The following CPM variants were observed in gnomAD, a reference collection of about 807,000 sequenced individuals.
The protein encoded by CPM is renal carboxypeptidase.
CPM carries 35 observed loss-of-function variants against 46.4 expected under a neutral mutation model. That is an observed-to-expected ratio of 0.75 (90% CI 0.58 to 1.00). The LOEUF (loss-of-function observed/expected upper bound fraction) is 1.00, where lower values mean the gene tolerates loss of function less well. Among genes scored for constraint, CPM ranks in the 50% least tolerant of loss-of-function variants. The probability of loss-of-function intolerance (pLI) is 0.00; values close to 1 mark genes in which losing one functional copy is unlikely to be tolerated. For missense variants in CPM, 422 were observed against 530.4 expected (o/e 0.80, Z 2.01); for synonymous variants, 195 against 195.3 (o/e 1.00, Z 0.01).
At chr12:68,860,721 G>T (rs530108322) in intron 7 of CPM, among the ~76,000 whole-genome samples, 1 of 152,208 alleles carries the variant, frequency 6.6e-6, no homozygotes, top group South Asian at 2.1e-4. Context: ...GTCAGGTTTT[G>T]ATTTGAATTC....
At chr12:68,892,101 G>T (rs567317825) in intron 2 of CPM, among the ~76,000 whole-genome samples, 1 of 152,322 alleles carries the variant, frequency 6.6e-6, no homozygotes, top group Non-Finnish European at 1.5e-5. Context: ...AAGAACCACT[G>T]TAACAAAGGA....
At chr12:68,871,649 G>T (rs960677331) in intron 4 of CPM, 135 bp downstream of exon 4, 3 of 949,352 alleles carry the variant, frequency 3.2e-6, no homozygotes, top group Non-Finnish European at 4.8e-6. Context: ...CTTGAGCTTT[G>T]GCACATCAGC....
intron 1 of CPM, among the ~76,000 whole-genome samples, chr12:68,959,403 T>C (rs908355589): frequency 4.6e-5 from 7 of 151,334 alleles, no homozygotes; most frequent in Non-Finnish European, 1.0e-4. Context: ...TAAAATATCA[T>C]TGTTATTGTA....
intron 3 of CPM, among the ~76,000 whole-genome samples, chr12:68,882,636 C>T (rs1303759444): frequency 5.9e-5 from 9 of 152,206 alleles, no homozygotes; most frequent in Non-Finnish European, 8.8e-5. Flanking sequence ...GAAATCACCA[C>T]ACTGCTTTCC....
intron 1 of CPM, among the ~76,000 whole-genome samples, chr12:68,955,675 C>A (rs745393818): frequency 6.6e-6 from 1 of 152,076 alleles, no homozygotes; most frequent in Admixed American, 6.6e-5. Flanking sequence ...TGAGGAGGCC[C>A]AAAGTGGGTA....
intron 1 of CPM, among the ~76,000 whole-genome samples, chr12:68,939,045 T>C (rs1033862175): frequency 1.4e-4 from 21 of 147,296 alleles, no homozygotes; most frequent in Non-Finnish European, 3.0e-5. Context: ...CATCTATAAG[T>C]ATATACATAG....
chr12:68,913,941 A>G, intron 2 of CPM: 1 of 719,218 alleles, frequency 1.4e-6, no homozygotes, highest in Non-Finnish European at 2.6e-6. Flanking sequence ...CCTGTGCTAC[A>G]GATACACAGA....
intron 2 of CPM, among the ~76,000 whole-genome samples, chr12:68,895,116 T>C (rs115854956): frequency 3.3e-5 from 5 of 151,774 alleles, no homozygotes; most frequent in Admixed American, 3.3e-4. Context: ...TCCCCTGCTG[T>C]GTCTACCAGG....
At chr12:68,873,012 T>TAAATG (rs1202679209) in intron 3 of CPM, among the ~76,000 whole-genome samples, 1 of 152,192 alleles carries the variant, frequency 6.6e-6, no homozygotes, top group Non-Finnish European at 1.5e-5. Context: ...AAAAGTAATT[T>TAAATG]AAATGTCAGC....
At chr12:68,890,490 T>TCAACTTA (rs1301622224) in intron 2 of CPM, among the ~76,000 whole-genome samples, 1 of 152,194 alleles carries the variant, frequency 6.6e-6, no homozygotes, top group African/African-American at 2.4e-5. Flanking sequence ...CCACAATGCA[T>TCAACTTA]AGTTGAGGAA....
At chr12:68,897,760 C>T in intron 2 of CPM, among the ~76,000 whole-genome samples, 1 of 145,678 alleles carries the variant, frequency 6.9e-6, no homozygotes, top group Non-Finnish European at 1.5e-5. Context: ...AAAAAAGGCA[C>T]AATCATTACA....
chr12:68,875,070 G>A (rs985585445), intron 3 of CPM, among the ~76,000 whole-genome samples: 5 of 152,154 alleles, frequency 3.3e-5, no homozygotes, highest in African/African-American at 1.2e-4. Context: ...AAAAGTTGAG[G>A]CCGGGCACGG....
intron 2 of CPM, among the ~76,000 whole-genome samples, chr12:68,886,105 C>T (rs908707734): frequency 6.6e-6 from 1 of 152,106 alleles, no homozygotes; most frequent in Non-Finnish European, 1.5e-5. Context: ...AAATATTTCA[C>T]TTATTATTTT....
chr12:68,951,343 AT>A (rs1433750204), intron 1 of CPM, among the ~76,000 whole-genome samples: 2 of 152,242 alleles, frequency 1.3e-5, no homozygotes, highest in Non-Finnish European at 2.9e-5. Flanking sequence ...TGACCTGATC[AT>A]GCTTAGGGTT....
intron 1 of CPM, among the ~76,000 whole-genome samples, chr12:68,948,432 T>C (rs953655824): frequency 4.6e-5 from 7 of 152,050 alleles, no homozygotes; most frequent in African/African-American, 1.4e-4. Flanking sequence ...ATAAAACCAA[T>C]GCATTATTGA....
chr12:68,846,883 T>C (rs1884331744), downstream of CPM: 1 of 152,034 alleles, frequency 6.6e-6, no homozygotes. Flanking sequence ...GTAAGCACTT[T>C]TAATGAATGG....
chr12:68,911,982 C>T (rs1201674032), intron 2 of CPM: 2 of 151,978 alleles, frequency 1.3e-5, no homozygotes, highest in Non-Finnish European at 2.9e-5. Context: ...GGAAAGCCCC[C>T]CAAAGGGAAA....
intron 2 of CPM, among the ~76,000 whole-genome samples, chr12:68,903,883 T>A (rs867365282): frequency 1.7e-4 from 26 of 148,624 alleles, no homozygotes; most frequent in African/African-American, 5.2e-4. Context: ...TCTCTCATTC[T>A]TTCTTTCTTT....
intron 2 of CPM, among the ~76,000 whole-genome samples, chr12:68,890,301 G>C (rs1002246109): frequency 1.3e-5 from 2 of 151,792 alleles, no homozygotes; most frequent in African/African-American, 4.8e-5. Flanking sequence ...GGGATAAGAG[G>C]CTAAATGATA....
Sources: gnomAD v4.1 joint callset for allele counts (sites outside exome capture counted in the v4.1 genomes callset) on GRCh38, gnomAD v4.1.1 for gene constraint, MANE v1.5 for transcripts, NCBI Gene and HGNC (gene_info 2026-07-23, HGNC 2026-07-21) for gene names.